Variants in UBTD2 observed in about 807,000 individuals in gnomAD.
UBTD2 encodes ubiquitin domain containing 2, also known as ubiquitin domain-containing protein 2.
Under a neutral mutation model 19.8 loss-of-function variants are expected in UBTD2, and 9 were observed. That is an observed-to-expected ratio of 0.46 (90% CI 0.27 to 0.79). The LOEUF is 0.79. Ranked by LOEUF, UBTD2 falls within the 30% of genes least tolerant of loss-of-function variation. UBTD2 has a pLI of 0.14. For synonymous variants in UBTD2, 98 were observed against 103.9 expected (o/e 0.94, Z 0.35); for missense variants, 250 against 300.4 (o/e 0.83, Z 1.24).
intron 1 of UBTD2, among the ~76,000 whole-genome samples, chr5:172,277,335 G>A (rs1036642648): frequency 1.3e-5 from 2 of 151,986 alleles, no homozygotes; most frequent in Non-Finnish European, 2.9e-5. Flanking sequence ...ATCAGTGAAA[G>A]GTTACTTTAT....
chr5:172,249,986 G>A (rs1163759730), intron 1 of UBTD2, among the ~76,000 whole-genome samples: 3 of 152,244 alleles, frequency 2.0e-5, no homozygotes, highest in South Asian at 2.1e-4. Context: ...AGATTAGGAC[G>A]CCAAGGTGGG....
chr5:172,277,261 G>T (rs1008642468), intron 1 of UBTD2, among the ~76,000 whole-genome samples: 1 of 152,050 alleles, frequency 6.6e-6, no homozygotes, highest in East Asian at 1.9e-4. Flanking sequence ...TCCACTTCTT[G>T]TTGAGAAAGC....
intron 1 of UBTD2, among the ~76,000 whole-genome samples, chr5:172,253,402 TATAA>T (rs1755067310): frequency 6.6e-6 from 1 of 152,056 alleles, no homozygotes; most frequent in South Asian, 2.1e-4. Context: ...AGTCCTGAGA[TATAA>T]ATCTCACAAA....
At chr5:172,277,041 C>A (rs1581236220) in intron 1 of UBTD2, among the ~76,000 whole-genome samples, 1 of 139,324 alleles carries the variant, frequency 7.2e-6, no homozygotes, top group East Asian at 2.1e-4. Context: ...TGTACTCCAC[C>A]CTGGGTGACA....
At chr5:172,229,624 A>G (rs941876908) in intron 2 of UBTD2, among the ~76,000 whole-genome samples, 1 of 152,154 alleles carries the variant, frequency 6.6e-6, no homozygotes, top group Non-Finnish European at 1.5e-5. Flanking sequence ...TGCTAAACAA[A>G]TATCAACAAC....
intron 1 of UBTD2, among the ~76,000 whole-genome samples, chr5:172,243,297 T>C (rs867822765): frequency 2.0e-4 from 30 of 152,278 alleles, no homozygotes; most frequent in Non-Finnish European, 2.9e-4. Context: ...AGCATGGCTA[T>C]AGACTGACTG....
intron 1 of UBTD2, among the ~76,000 whole-genome samples, chr5:172,248,923 G>A: frequency 6.6e-6 from 1 of 151,290 alleles, no homozygotes; most frequent in Non-Finnish European, 1.5e-5. Context: ...GGGTCACGGA[G>A]AGAGGGCCTG....
chr5:172,229,990 T>C (rs1247457327), intron 2 of UBTD2, among the ~76,000 whole-genome samples: 5 of 152,198 alleles, frequency 3.3e-5, no homozygotes, highest in Middle Eastern at 6.8e-3. Flanking sequence ...TCAAGAAATG[T>C]AAGACAATGA....
chr5:172,234,089 G>A (rs1771959629), intron 2 of UBTD2, 33 bp downstream of exon 2: 1 of 1,599,382 alleles, frequency 6.3e-7, no homozygotes, highest in Non-Finnish European at 8.6e-7. Context: ...AGTTGATTAT[G>A]TTTCCTCTGT....
rs1193430877 is a variant in UBTD2 at position 172,210,214 on chromosome 5, G to A, written c.*1616C>T. On this transcript the variant is annotated 3_prime_UTR_variant, in exon 3 of 3. Transcript: ENST00000393792. Reference sequence around the variant, plus strand: ...TAGTTAAAGCTCTCAGAAACATGATGTTACAATTACAGATATATTTAATCA... The same window carrying A: ...TAGTTAAAGCTCTCAGAAACATGATATTACAATTACAGATATATTTAATCA... 6.6e-6 allele frequency: 1 copy of A among 152,150 alleles called. No homozygotes were observed. The highest frequency in any genetic ancestry group is 1.5e-5 in the Non-Finnish European group (1 of 68,022). 9.4% of individuals were successfully genotyped at this position (152,150 alleles called of 1,614,324 possible). A position where few individuals can be genotyped will look rare whatever the true frequency, so the allele number is the denominator to read the frequency against.
chr5:172,249,077 C>T (rs1281856676), intron 1 of UBTD2, among the ~76,000 whole-genome samples: 1 of 152,004 alleles, frequency 6.6e-6, no homozygotes, highest in African/African-American at 2.4e-5. Flanking sequence ...AAAAGTGGGG[C>T]TACTATTACC....
At chr5:172,223,815 A>G (rs988797265) in intron 2 of UBTD2, among the ~76,000 whole-genome samples, 1 of 152,164 alleles carries the variant, frequency 6.6e-6, no homozygotes, top group Non-Finnish European at 1.5e-5. Flanking sequence ...TAGGAGGTAC[A>G]GGGATTGGTT....
chr5:172,267,810 A>G (rs150331919), intron 1 of UBTD2, among the ~76,000 whole-genome samples: 7,720 of 152,340 alleles, frequency 0.051, 270 homozygotes, highest in Non-Finnish European at 0.072. Context: ...ATTCCATGTT[A>G]ATGTCTGAAT....
At chr5:172,225,888 G>C (rs1771751779) in intron 2 of UBTD2, among the ~76,000 whole-genome samples, 1 of 148,864 alleles carries the variant, frequency 6.7e-6, no homozygotes, top group Admixed American at 6.7e-5. Flanking sequence ...AGGAATAAAT[G>C]TCTTTGCTCC....
At chr5:172,226,070 C>A (rs1177790539) in intron 2 of UBTD2, among the ~76,000 whole-genome samples, 1 of 151,310 alleles carries the variant, frequency 6.6e-6, no homozygotes, top group Non-Finnish European at 1.5e-5. Context: ...CCCAAAGTAG[C>A]TGGGACCACA....
intron 1 of UBTD2, among the ~76,000 whole-genome samples, chr5:172,273,540 G>A (rs1023732600): frequency 3.6e-5 from 5 of 138,730 alleles, no homozygotes; most frequent in Admixed American, 7.7e-5. Context: ...GCAGTGAGCC[G>A]AGATTGTACC....
chr5:172,259,052 T>C (rs912314976), intron 1 of UBTD2, among the ~76,000 whole-genome samples: 2 of 152,216 alleles, frequency 1.3e-5, no homozygotes, highest in South Asian at 2.1e-4. Context: ...TTCCAGCTTT[T>C]ACCCATTCAG....
intron 2 of UBTD2, among the ~76,000 whole-genome samples, chr5:172,223,586 CAAAAAAAAAA>C (rs577474758): frequency 1.4e-3 from 45 of 33,118 alleles, no homozygotes; most frequent in Admixed American, 6.4e-3. Flanking sequence ...GCGACGGAGT[CAAAAAAAAAA>C]AAAAAAAAAA....
Position 172,283,548 on chromosome 5 carries a change from T to C in UBTD2, c.70+48A>G, listed in dbSNP as rs1433834827. On this transcript the variant is annotated intron_variant, in intron 1 of 2. Transcript: ENST00000393792. The surrounding 1 kb of genome is among the most constrained non-coding windows in gnomAD (Gnocchi z 4.3). The stretch of plus-strand genomic sequence containing the variant: ...GGGGGTCGGGACAGGTGGCCGGGCC[T>C]GGCCGGGAACAATGGGGGGCCGAGG... The C allele has an allele frequency of 1.3e-5, 17 of 1,266,658 alleles. No individual in the cohort carries two copies. The highest frequency in any genetic ancestry group is 1.7e-5 in the Non-Finnish European group (17 of 1,000,018). The allele number at this position is 1,266,658 out of a possible 1,614,324, so 78.5% of individuals were successfully genotyped here.
Sources: gnomAD v4.1 joint callset for allele counts (sites outside exome capture counted in the v4.1 genomes callset) on GRCh38, gnomAD v4.1.1 for gene constraint, Gnocchi (gnomAD v3.1) non-coding constraint, MANE v1.5 for transcripts, NCBI Gene and HGNC (gene_info 2026-07-23, HGNC 2026-07-21) for gene names.